Variants in GRID1 observed in about 807,000 individuals in gnomAD.
GRID1 encodes glutamate receptor ionotropic, delta-1.
Under a neutral mutation model 98.0 loss-of-function variants are expected in GRID1, and 28 were observed. The observed-to-expected ratio is 0.29, with a 90% CI of 0.21 to 0.39. The LOEUF is 0.39. GRID1 is among the 10% of genes least tolerant of loss of function. GRID1 has a pLI of 1.00. For synonymous variants in GRID1, 553 were observed against 538.5 expected, an observed-to-expected ratio of 1.03 and a Z score of -0.37; for missense variants, 1,111 against 1,340.5, an observed-to-expected ratio of 0.83 and a Z score of 2.67.
chr10:86,132,625 T>C (rs1289486072), intron 4 of GRID1, among the ~76,000 whole-genome samples: 1 of 152,262 alleles, frequency 6.6e-6, no homozygotes, highest in Non-Finnish European at 1.5e-5. Context: ...TAAAGTCGTC[T>C]GCTAAAGATT....
chr10:86,103,444 C>T (rs1844329028), intron 4 of GRID1, among the ~76,000 whole-genome samples: 1 of 152,188 alleles, frequency 6.6e-6, no homozygotes, highest in South Asian at 2.1e-4. Context: ...CAGCTTAGTG[C>T]CCAGGGCTAG....
At chr10:85,742,546 T>C (rs1442369165) in intron 8 of GRID1, among the ~76,000 whole-genome samples, 2 of 152,246 alleles carry the variant, frequency 1.3e-5, no homozygotes, top group African/African-American at 4.8e-5. Context: ...TTAATTGCCC[T>C]GTTTTCAGGA....
intron 4 of GRID1, among the ~76,000 whole-genome samples, chr10:86,035,284 G>A (rs373635761): frequency 3.3e-5 from 5 of 152,186 alleles, no homozygotes; most frequent in African/African-American, 7.2e-5. Flanking sequence ...ATTCTTATTC[G>A]TAGAGCTTTC....
At chr10:86,158,719 T>C (rs970454154) in intron 3 of GRID1, among the ~76,000 whole-genome samples, 12 of 152,174 alleles carry the variant, frequency 7.9e-5, no homozygotes, top group African/African-American at 2.9e-4. Context: ...CCACTCAGAC[T>C]GTGCACCCTG....
intron 12 of GRID1, among the ~76,000 whole-genome samples, chr10:85,707,376 T>TG (rs951593080): frequency 6.6e-5 from 10 of 152,104 alleles, no homozygotes; most frequent in Non-Finnish European, 1.0e-4. Flanking sequence ...TGCTCATCAC[T>TG]GGCCATCAGA....
intron 5 of GRID1, among the ~76,000 whole-genome samples, chr10:85,892,548 G>GA (rs201714245): frequency 8.6e-5 from 12 of 140,064 alleles, no homozygotes; most frequent in South Asian, 2.2e-4. Context: ...AGTATGAAAA[G>GA]AAAAAAAAAG....
intron 8 of GRID1, among the ~76,000 whole-genome samples, chr10:85,823,103 G>A (rs1390327311): frequency 6.6e-6 from 1 of 151,988 alleles, no homozygotes; most frequent in East Asian, 1.9e-4. Flanking sequence ...CAAGTTAATG[G>A]GTGCAGCACA....
intron 4 of GRID1, among the ~76,000 whole-genome samples, chr10:86,106,761 G>A (rs1005266269): frequency 1.3e-5 from 2 of 152,136 alleles, no homozygotes; most frequent in Non-Finnish European, 2.9e-5. Context: ...GCAAGGGAAC[G>A]AAGGGCAGGA....
At chr10:85,911,096 C>G (rs1309516479) in intron 5 of GRID1, among the ~76,000 whole-genome samples, 5 of 152,190 alleles carry the variant, frequency 3.3e-5, no homozygotes, top group African/African-American at 1.2e-4. Flanking sequence ...TCAGGGTCAT[C>G]CTGCAGAGGG....
At chr10:86,068,093 G>A (rs755593665) in intron 4 of GRID1, among the ~76,000 whole-genome samples, 4 of 152,184 alleles carry the variant, frequency 2.6e-5, no homozygotes, top group Non-Finnish European at 2.9e-5. Context: ...TTTCACTAAC[G>A]TTCCTCAGCA....
At chr10:85,719,262 G>A (rs552996278) in intron 12 of GRID1, among the ~76,000 whole-genome samples, 129 of 152,182 alleles carry the variant, frequency 8.5e-4, no homozygotes, top group African/African-American at 3.0e-3. Context: ...ACATTTTTCT[G>A]TCTTCTTCTG....
Position 86,104,503 on chromosome 10 carries a change from C to T in GRID1, c.726+34316G>A, listed in dbSNP as rs543496294. Reference sequence around the variant, plus strand: ...ATGGCCCAGACAGGTGCATGCCCACCATGCTCAGTGCTTCACAAGGCCCCC... The same window carrying T: ...ATGGCCCAGACAGGTGCATGCCCACTATGCTCAGTGCTTCACAAGGCCCCC... On this transcript the variant is annotated intron_variant, in intron 4 of 15. Coordinates refer to ENST00000327946, the MANE Select transcript of GRID1 (RefSeq NM_017551.3). 2.2e-3 allele frequency among the ~76,000 whole-genome samples: 341 copies of T among 152,344 alleles called. 4 individuals are homozygous for T. Among genetic ancestry groups the T allele is most frequent in the African/African-American group, 7.9e-3 (328 of 41,582 alleles).
chr10:85,756,475 T>C (rs947059046), intron 8 of GRID1, among the ~76,000 whole-genome samples: 69 of 152,148 alleles, frequency 4.5e-4, no homozygotes, highest in Non-Finnish European at 8.7e-4. Context: ...AACACAAGCA[T>C]TGAAATCCTA....
chr10:85,796,168 C>T (rs1842524322), intron 8 of GRID1, among the ~76,000 whole-genome samples: 1 of 152,152 alleles, frequency 6.6e-6, no homozygotes, highest in African/African-American at 2.4e-5. Context: ...GCTGGAATCA[C>T]AGATAATTCT....
chr10:85,782,485 A>G (rs1450333604), intron 8 of GRID1, among the ~76,000 whole-genome samples: 1 of 152,242 alleles, frequency 6.6e-6, no homozygotes, highest in African/African-American at 2.4e-5. Context: ...CTGCTGTCTT[A>G]TATGTTACAA....
chr10:85,608,877 C>G (rs144579569), intron 15 of GRID1, among the ~76,000 whole-genome samples: 1 of 152,176 alleles, frequency 6.6e-6, no homozygotes, highest in African/African-American at 2.4e-5. Context: ...ACTATTCTTA[C>G]TCTCATGCTA....
In GRID1 at chr10:85,869,106, A is replaced by G. The variant is rs913940453; in HGVS notation, c.855T>C (p.Phe285=). Residue 285 remains phenylalanine, a synonymous_variant, in exon 6 of 16, where the codon TTT becomes TTC. Transcript: ENST00000327946. ...LGRMTVVRQI[F]PSAKDNQKCT... ...ATTTCTGATTGTCCTTTGCAGACGG[A>G]AAGATTTGCCGGACCACGGTCATCC... 1 of 1,613,864 alleles carries G rather than the reference A, an allele frequency of 6.2e-7. No homozygotes were observed. The highest frequency in any genetic ancestry group is 8.5e-7 in the Non-Finnish European group (1 of 1,179,884).
chr10:85,710,177 A>G (rs1841566838), intron 12 of GRID1, among the ~76,000 whole-genome samples: 1 of 152,134 alleles, frequency 6.6e-6, no homozygotes, highest in African/African-American at 2.4e-5. Context: ...AACGTCTTGG[A>G]AAAAAACACA....
At chr10:86,345,595 G>A (rs2132112965) in intron 2 of GRID1, among the ~76,000 whole-genome samples, 1 of 152,326 alleles carries the variant, frequency 6.6e-6, no homozygotes, top group East Asian at 1.9e-4. Context: ...TGAATCCAGA[G>A]CACAGATGCC....
Sources: gnomAD v4.1 joint callset for allele counts (sites outside exome capture counted in the v4.1 genomes callset) on GRCh38, gnomAD v4.1.1 for gene constraint, MANE v1.5 for transcripts, NCBI Gene and HGNC (gene_info 2026-07-23, HGNC 2026-07-21) for gene names.